Variants in SLC22A25 observed in about 807,000 individuals in gnomAD.
The protein encoded by SLC22A25 is solute carrier family 22 member 25.
SLC22A25 carries 44 observed loss-of-function variants against 45.9 expected under a neutral mutation model. The ratio of observed to expected loss-of-function variants is 0.96; its 90% CI spans 0.75 to 1.23. SLC22A25 has a LOEUF of 1.23. SLC22A25 is among the 50% of genes most tolerant of loss of function. SLC22A25 has a pLI of 0.00. For missense variants in SLC22A25, 800 were observed against 666.4 expected, an observed-to-expected ratio of 1.20 and a Z score of -2.21; for synonymous variants, 283 against 238.6, an observed-to-expected ratio of 1.19 and a Z score of -1.72.
At chr11:63,233,352 G>A (rs1437765400) in intron 3 of SLC22A25, among the ~76,000 whole-genome samples, 1 of 152,120 alleles carries the variant, frequency 6.6e-6, no homozygotes, top group Non-Finnish European at 1.5e-5. Context: ...CTTCTTCCTG[G>A]TTTAGTCTTG....
chr11:63,177,138 A>T (rs914468512), intron 9 of SLC22A25, among the ~76,000 whole-genome samples: 4 of 152,110 alleles, frequency 2.6e-5, no homozygotes, highest in Non-Finnish European at 5.9e-5. Flanking sequence ...AGTACAAGAC[A>T]AGTCACTTCT....
intron 7 of SLC22A25, among the ~76,000 whole-genome samples, chr11:63,190,847 G>A (rs556055628): frequency 1.3e-5 from 2 of 152,322 alleles, no homozygotes; most frequent in Non-Finnish European, 2.9e-5. Context: ...CAGCAGCAGA[G>A]GCTGCAGAAC....
At chr11:63,173,906 T>TC (rs1283469966) in intron 9 of SLC22A25, among the ~76,000 whole-genome samples, 1 of 151,612 alleles carries the variant, frequency 6.6e-6, no homozygotes, top group Admixed American at 6.6e-5. Context: ...TTTCTTTTTT[T>TC]TTTTTTTTAT....
At chr11:63,226,806 A>G (rs1382880228) in intron 5 of SLC22A25, among the ~76,000 whole-genome samples, 3 of 152,218 alleles carry the variant, frequency 2.0e-5, no homozygotes, top group Non-Finnish European at 4.4e-5. Context: ...GAAACCTTAT[A>G]AATCTACCCA....
rs572608589 is a variant in SLC22A25 at position 63,166,895 on chromosome 11, C to T, written c.1071-637G>A. The T allele has an allele frequency of 1.3e-5, 13 of 983,244 alleles. No individual in the cohort carries two copies. In the East Asian group the frequency reaches 4.5e-4, roughly 34 times the overall value. The allele number at this position is 983,244 out of a possible 1,614,324, so 60.9% of individuals were successfully genotyped here. A position where few individuals can be genotyped will look rare whatever the true frequency, so the allele number is the denominator to read the frequency against. On this transcript the variant is annotated intron_variant, in intron 9 of 11. Coordinates refer to ENST00000306494, the MANE Select transcript of SLC22A25 (RefSeq NM_199352.6). ...CGATAGAGACAGCTGGCAAGATGGC[C>T]GAATAGGAAGAGCTCTGGTCTGCAG...
At chr11:63,243,376 G>A in intron 1 of SLC22A25, 58 bp downstream of exon 1, 2 of 643,150 alleles carry the variant, frequency 3.1e-6, no homozygotes, top group Admixed American at 2.1e-5. Context: ...AACTAATGCT[G>A]GAGGTCTGTG....
intron 7 of SLC22A25, among the ~76,000 whole-genome samples, chr11:63,216,489 T>C (rs887233014): frequency 6.6e-6 from 1 of 152,166 alleles, no homozygotes; most frequent in Non-Finnish European, 1.5e-5. Context: ...CCATCAGTGA[T>C]AGACTGGACC....
intron 7 of SLC22A25, among the ~76,000 whole-genome samples, chr11:63,190,201 T>A (rs190731485): frequency 0.018 from 2,676 of 152,298 alleles, 75 homozygotes; most frequent in African/African-American, 0.061. Flanking sequence ...GTAGATTTGG[T>A]CTTTTCAGAT....
At chr11:63,223,812 C>T (rs776185411) in intron 5 of SLC22A25, among the ~76,000 whole-genome samples, 7 of 151,848 alleles carry the variant, frequency 4.6e-5, no homozygotes, top group South Asian at 2.1e-4. Context: ...TGGTATATTG[C>T]GTTTCCATTA....
rs183685483 is a variant in SLC22A25, at chr11:63,230,936, G to T, written c.-444-840C>A. ...TGTCCTTGAGATAGTTGGTTGAGAAGGATGGTTTCCAGCTTCATCCATGTC... is the reference window on the plus strand; with the variant it reads ...TGTCCTTGAGATAGTTGGTTGAGAATGATGGTTTCCAGCTTCATCCATGTC... On this transcript the variant is annotated intron_variant, in intron 3 of 11. Coordinates refer to ENST00000306494, the MANE Select transcript of SLC22A25 (RefSeq NM_199352.6). Among the ~76,000 whole-genome samples, 403 of 152,196 alleles carry T rather than the reference G, an allele frequency of 2.6e-3. 1 individual carries two copies. Among genetic ancestry groups the T allele is most frequent in the African/African-American group, 8.2e-3 (342 of 41,534 alleles).
chr11:63,234,819 T>G (rs1471080024), intron 3 of SLC22A25, among the ~76,000 whole-genome samples: 1 of 152,224 alleles, frequency 6.6e-6, no homozygotes, highest in Non-Finnish European at 1.5e-5. Context: ...AGGAGCTCTT[T>G]TAGGGCATGC....
chr11:63,188,950 A>T (rs2088679783), intron 7 of SLC22A25, among the ~76,000 whole-genome samples: 1 of 152,062 alleles, frequency 6.6e-6, no homozygotes, highest in Non-Finnish European at 1.5e-5. Context: ...TTTGCTGAGG[A>T]GTGCTTTACT....
chr11:63,171,523 CAG>C (rs1217565898), intron 9 of SLC22A25, among the ~76,000 whole-genome samples: 1 of 152,160 alleles, frequency 6.6e-6, no homozygotes, highest in Non-Finnish European at 1.5e-5. Context: ...AATAGACAAA[CAG>C]AGAGCCAAAT....
intron 9 of SLC22A25, among the ~76,000 whole-genome samples, chr11:63,172,129 T>C (rs1391060624): frequency 6.6e-6 from 1 of 152,158 alleles, no homozygotes; most frequent in African/African-American, 2.4e-5. Flanking sequence ...CCTTACACCT[T>C]ATACAAAAAT....
chr11:63,166,274 A>T lies in SLC22A25; in HGVS notation c.1071-16T>A, dbSNP rs563197566. The T allele has an allele frequency of 5.0e-6, 8 of 1,613,204 alleles. No individual in the cohort carries two copies. The South Asian group carries it at 8.8e-5, about 18-fold the overall frequency. On this transcript the variant is annotated splice_polypyrimidine_tract_variant and intron_variant, in intron 9 of 11. Transcript: ENST00000306494. ...ACTTGCAAATCTGCAGGGAACACAG[A>T]AAAAGGCACATATTATAATCTGTGG...
At chr11:63,189,995 A>G (rs2088735732) in intron 7 of SLC22A25, among the ~76,000 whole-genome samples, 1 of 151,984 alleles carries the variant, frequency 6.6e-6, no homozygotes, top group Non-Finnish European at 1.5e-5. Context: ...CTTCATTTCA[A>G]CTTTGGTGAA....
At chr11:63,217,876 A>G in intron 5 of SLC22A25, 141 bp from the exon 6 acceptor site, 1 of 1,006,674 alleles carries the variant, frequency 9.9e-7, no homozygotes, top group Non-Finnish European at 1.4e-6. Flanking sequence ...TCAACAGTTA[A>G]TCAATGGCAG....
intron 7 of SLC22A25, among the ~76,000 whole-genome samples, chr11:63,188,735 G>C (rs1323554202): frequency 6.6e-6 from 1 of 152,036 alleles, no homozygotes; most frequent in Non-Finnish European, 1.5e-5. Flanking sequence ...CAGAGATTCT[G>C]GTATGTTGTG....
intron 7 of SLC22A25, among the ~76,000 whole-genome samples, chr11:63,193,288 T>A (rs2317091): frequency 0.094 from 14,311 of 152,178 alleles, 1,179 homozygotes; most frequent in East Asian, 0.36. Flanking sequence ...AGAGCAGTGG[T>A]CCTCCTACCA....
Sources: allele counts gnomAD v4.1 joint callset (sites outside exome capture counted in the v4.1 genomes callset), GRCh38; gene constraint gnomAD v4.1.1; transcripts MANE v1.5; gene names NCBI Gene and HGNC (gene_info 2026-07-23, HGNC 2026-07-21).